The following MSL2 variants were observed in gnomAD, a reference collection of about 807,000 sequenced individuals.
MSL2 encodes the protein MSL complex subunit 2, also known as E3 ubiquitin-protein ligase MSL2.
A neutral mutation model predicts 35.8 loss-of-function variants in MSL2; 2 were observed. The ratio of observed to expected loss-of-function variants is 0.06; its 90% confidence interval spans 0.02 to 0.18. The LOEUF (loss-of-function observed/expected upper bound fraction) is 0.18. Ranked by LOEUF, MSL2 falls within the 10% of genes least tolerant of loss-of-function variation. The pLI is 1.00. For synonymous variants in MSL2, 296 were observed against 255.7 expected (o/e 1.16, Z -1.50); for missense variants, 523 against 706.7 (o/e 0.74, Z 2.95).
In MSL2 at chr3:136,166,639, T is replaced by G. The variant is rs1472260254; in HGVS notation, c.143-13901A>C. 2.0e-5 allele frequency among the ~76,000 whole-genome samples: 3 copies of G among 152,250 alleles called. No homozygotes were observed. In the East Asian group the frequency reaches 5.8e-4, roughly 29 times the overall value. ...TGACAAGACTCACTGCCAGCCAGCA[T>G]CAAGATTTACAGAGCAGTGTAAATT... On this transcript the variant is annotated intron_variant, in intron 1 of 1. Coordinates refer to ENST00000309993, the MANE Select transcript of MSL2 (RefSeq NM_018133.4).
At position 136,183,099 on chromosome 3, in the gene MSL2, G is replaced by A. The variant is rs143059860; in HGVS notation, c.142+11873C>T. 1.3e-3 allele frequency among the ~76,000 whole-genome samples: 197 copies of A among 152,088 alleles called. 1 individual carries two copies. Among genetic ancestry groups the A allele is most frequent in the African/African-American group, 4.4e-3 (182 of 41,500 alleles). On this transcript the variant is annotated intron_variant, in intron 1 of 1. Coordinates refer to ENST00000309993, the MANE Select transcript of MSL2 (RefSeq NM_018133.4). ...AATATTTGTAGTACAAAAATATCCA[G>A]CAACAAAGTAAAATTTTACAAGGTA...
At position 136,162,095 on chromosome 3, in the gene MSL2, C is replaced by T. The variant is rs191046780; in HGVS notation, c.143-9357G>A. Among the ~76,000 whole-genome samples the T allele has an allele frequency of 2.7e-4, 41 of 151,778 alleles. No homozygotes were observed. In the East Asian group the frequency reaches 7.9e-3, roughly 29 times the overall value. Reference sequence around the variant, plus strand: ...TGGGATTTACAGGTGCCCGCCACCACGCCTGGTTAATTTTTTATTTTTAGT... The same window carrying T: ...TGGGATTTACAGGTGCCCGCCACCATGCCTGGTTAATTTTTTATTTTTAGT... On this transcript the variant is annotated intron_variant, in intron 1 of 1. Coordinates refer to ENST00000309993, the MANE Select transcript of MSL2 (RefSeq NM_018133.4).
intron 1 of MSL2, among the ~76,000 whole-genome samples, chr3:136,166,249 G>T (rs571490801): frequency 6.6e-6 from 1 of 151,874 alleles, no homozygotes; most frequent in East Asian, 1.9e-4. Context: ...TTAGCCGGGC[G>T]TGGTGACAGA....
rs1222028046 is a variant in MSL2, at chr3:136,195,890, G to C, written c.-777C>G. 10 of 896,542 alleles carry C rather than the reference G, an allele frequency of 1.1e-5. No individual in the cohort carries two copies. The African/African-American group carries it at 1.7e-4, about 15-fold the overall frequency. The allele number at this position is 896,542 out of a possible 1,614,324, so 55.5% of individuals were successfully genotyped here. On this transcript the variant is annotated 5_prime_UTR_variant, in exon 1 of 2. Coordinates refer to ENST00000309993, the MANE Select transcript of MSL2 (RefSeq NM_018133.4). ...GCGGGAGGGGGCGGGGGGCAAGCCC[G>C]GCCGGGCCGCGGCGGCGCCCCTCGC...
chr3:136,184,581 C>T (rs1040276172), intron 1 of MSL2, among the ~76,000 whole-genome samples: 5 of 151,970 alleles, frequency 3.3e-5, no homozygotes, highest in East Asian at 1.9e-4. Context: ...CCAGCCTGGA[C>T]GACAGAGCGA....
chr3:136,189,649 G>C (rs1047224233), intron 1 of MSL2, among the ~76,000 whole-genome samples: 6 of 150,520 alleles, frequency 4.0e-5, no homozygotes, highest in African/African-American at 1.5e-4. Flanking sequence ...GCGTGTACCC[G>C]GGAGGTGGAG....
intron 1 of MSL2, 50 bp from the exon 2 acceptor site, chr3:136,152,788 A>G: frequency 6.3e-7 from 1 of 1,576,592 alleles, no homozygotes; most frequent in Non-Finnish European, 8.6e-7. Context: ...TAAATTTACC[A>G]TTTCATAAAC....
At chr3:136,188,876 T>C (rs1488567961) in intron 1 of MSL2, among the ~76,000 whole-genome samples, 2 of 151,890 alleles carry the variant, frequency 1.3e-5, no homozygotes, top group East Asian at 3.9e-4. Context: ...ATTTAAACTA[T>C]TATTACCTTT....
At chr3:136,166,614 T>C (rs1939862008) in intron 1 of MSL2, among the ~76,000 whole-genome samples, 1 of 152,158 alleles carries the variant, frequency 6.6e-6, no homozygotes, top group Non-Finnish European at 1.5e-5. Context: ...TGCATATCCC[T>C]GACAAGACTC....
chr3:136,152,090 T>C lies in MSL2; in HGVS notation c.791A>G (p.Asp264Gly), dbSNP rs1438694254. 5 of 1,613,940 alleles carry C rather than the reference T, an allele frequency of 3.1e-6. No homozygotes were observed. The East Asian group carries it at 1.1e-4, about 36-fold the overall frequency. Reference protein sequence around the residue: ...CSFSEDIKPGDSLLLSVEEVL... With the variant: ...CSFSEDIKPGGSLLLSVEEVL... ...TTCCTCAACACTCAGTAACAGAGAG[T>C]CTCCAGGTTTTATATCTTCACTGAA... Residue 264 changes from aspartate (D) to glycine (G), a missense_variant, in exon 2 of 2, where the codon GAC becomes GGC. Asp to Gly is a moderately conservative substitution (Grantham distance 94). Coordinates refer to ENST00000309993, the MANE Select transcript of MSL2 (RefSeq NM_018133.4).
Position 136,155,869 on chromosome 3 carries a change from G to C in MSL2, c.143-3131C>G, listed in dbSNP as rs138553296. 620 of 578,792 alleles carry C rather than the reference G, an allele frequency of 1.1e-3. 4 individuals are homozygous for C. Among genetic ancestry groups the C allele is most frequent in the East Asian group, 6.8e-3 (152 of 22,360 alleles). 35.9% of individuals were successfully genotyped at this position (578,792 alleles called of 1,614,324 possible). ...ATGGCCAGCTCCGCTGCTTTCCTCAGGCATTTCTACCTGGCTGTGATGGCC... is the reference window on the plus strand; with the variant it reads ...ATGGCCAGCTCCGCTGCTTTCCTCACGCATTTCTACCTGGCTGTGATGGCC... On this transcript the variant is annotated intron_variant, in intron 1 of 1. Transcript: ENST00000309993.
chr3:136,154,403 G>A (rs1272345328), intron 1 of MSL2, among the ~76,000 whole-genome samples: 2 of 151,948 alleles, frequency 1.3e-5, no homozygotes, highest in African/African-American at 4.8e-5. Context: ...AACCAAGAAG[G>A]GAAAGGAACT....
intron 1 of MSL2, among the ~76,000 whole-genome samples, chr3:136,178,688 T>C (rs949113006): frequency 3.3e-5 from 5 of 151,692 alleles, no homozygotes; most frequent in Non-Finnish European, 7.4e-5. Flanking sequence ...GCGCCCACCA[T>C]GGCACCCAGC....
chr3:136,171,868 T>C (rs999684346), intron 1 of MSL2, among the ~76,000 whole-genome samples: 1 of 152,218 alleles, frequency 6.6e-6, no homozygotes, highest in Non-Finnish European at 1.5e-5. Context: ...TGTGAGAGTT[T>C]TATTCTACTT....
At chr3:136,186,831 CCT>C (rs987478562) in intron 1 of MSL2, among the ~76,000 whole-genome samples, 6 of 152,078 alleles carry the variant, frequency 3.9e-5, no homozygotes, top group Non-Finnish European at 8.8e-5. Context: ...GAAACCATCC[CCT>C]GACCCTGTGG....
At chr3:136,161,516 G>A (rs1199441608) in intron 1 of MSL2, among the ~76,000 whole-genome samples, 1 of 152,166 alleles carries the variant, frequency 6.6e-6, no homozygotes, top group East Asian at 1.9e-4. Context: ...TCATGCAATG[G>A]AGTTCAGCAA....
At chr3:136,167,828 TA>T (rs1304612755) in intron 1 of MSL2, among the ~76,000 whole-genome samples, 4 of 152,180 alleles carry the variant, frequency 2.6e-5, no homozygotes, top group Non-Finnish European at 5.9e-5. Flanking sequence ...TCAGTTTTTG[TA>T]ATACCCTCAA....
intron 1 of MSL2, among the ~76,000 whole-genome samples, chr3:136,183,564 G>A (rs2108089244): frequency 6.6e-6 from 1 of 152,256 alleles, no homozygotes; most frequent in East Asian, 1.9e-4. Context: ...TGTGACTACA[G>A]GCACGCACCA....
intron 1 of MSL2, among the ~76,000 whole-genome samples, chr3:136,158,828 T>C (rs562496193): frequency 6.6e-6 from 1 of 152,306 alleles, no homozygotes; most frequent in African/African-American, 2.4e-5. Flanking sequence ...ATGCTAGGAA[T>C]GAACAAACTA....
Sources: allele counts gnomAD v4.1 joint callset (sites outside exome capture counted in the v4.1 genomes callset), GRCh38; gene constraint gnomAD v4.1.1; transcripts MANE v1.5; gene names NCBI Gene and HGNC (gene_info 2026-07-23, HGNC 2026-07-21).